The following TTC33 variants were observed in gnomAD, a reference collection of about 807,000 sequenced individuals.
The protein encoded by TTC33 is tetratricopeptide repeat domain 33.
Under a neutral mutation model 29.4 loss-of-function variants are expected in TTC33, and 24 were observed. The ratio of observed to expected loss-of-function variants is 0.82; its 90% CI spans 0.59 to 1.15. The LOEUF (loss-of-function observed/expected upper bound fraction) is 1.15, where lower values mean the gene tolerates loss of function less well. Among genes scored for constraint, TTC33 ranks in the 50% most tolerant of loss-of-function variants. The probability of loss-of-function intolerance (pLI) is 0.00; values close to 1 mark genes in which losing one functional copy is unlikely to be tolerated. For missense variants in TTC33, 286 were observed against 310.4 expected, an observed-to-expected ratio of 0.92 and a Z score of 0.59; for synonymous variants, 107 against 100.3, an observed-to-expected ratio of 1.07 and a Z score of -0.40.
In TTC33 at chr5:40,725,611, G is replaced by A. The variant is rs147140890; in HGVS notation, c.435+2734C>T. Among the ~76,000 whole-genome samples, 66 of 152,182 alleles carry A rather than the reference G, an allele frequency of 4.3e-4. No homozygotes were observed. The East Asian group carries it at 0.012, about 28-fold the overall frequency. On this transcript the variant is annotated intron_variant, in intron 4 of 4. Transcript: ENST00000337702. Reference sequence around the variant, plus strand: ...TCCAGCACTGAAGGCTGAGAACCCTGGAAAGCCAACAGAAGAATCCTTCCT... The same window carrying A: ...TCCAGCACTGAAGGCTGAGAACCCTAGAAAGCCAACAGAAGAATCCTTCCT...
intron 4 of TTC33, among the ~76,000 whole-genome samples, chr5:40,723,313 C>T (rs1310448981): frequency 1.3e-5 from 2 of 152,080 alleles, no homozygotes; most frequent in African/African-American, 4.8e-5. Flanking sequence ...CCGCAGGGTC[C>T]TCTGCCTAGG....
chr5:40,754,985 T>C (rs1453994632), intron 1 of TTC33, among the ~76,000 whole-genome samples: 2 of 152,180 alleles, frequency 1.3e-5, no homozygotes. Flanking sequence ...TTAACATTTT[T>C]TTACCAGAGT....
At chr5:40,740,909 G>GT (rs1487880803) in intron 2 of TTC33, among the ~76,000 whole-genome samples, 2 of 152,048 alleles carry the variant, frequency 1.3e-5, no homozygotes, top group Admixed American at 1.3e-4. Context: ...TTCAGATATC[G>GT]TATTTTTCAT....
At chr5:40,728,315 T>A in intron 4 of TTC33, 30 bp downstream of exon 4, 6 of 1,015,596 alleles carry the variant, frequency 5.9e-6, no homozygotes, top group Non-Finnish European at 8.0e-6. Flanking sequence ...TACTTAAAAT[T>A]TCTGCATTAT....
intron 1 of TTC33, among the ~76,000 whole-genome samples, chr5:40,748,206 T>C (rs1255243693): frequency 1.3e-5 from 2 of 152,056 alleles, no homozygotes; most frequent in East Asian, 3.9e-4. Flanking sequence ...CTGTTTTGTT[T>C]TGTTTTTTTG....
chr5:40,716,133 A>C lies in TTC33; in HGVS notation c.*12T>G, dbSNP rs762086189. The C allele has an allele frequency of 6.3e-7, 1 of 1,578,098 alleles. No homozygotes were observed. Among genetic ancestry groups the C allele is most frequent in the South Asian group, 1.2e-5 (1 of 85,098 alleles). On this transcript the variant is annotated 3_prime_UTR_variant, in exon 5 of 5. Coordinates refer to ENST00000337702, the MANE Select transcript of TTC33 (RefSeq NM_012382.3). ...CAAAAAGACAGATTCAAATAATCCT[A>C]TGCATACTGCTTCATCGGGCTTTGA...
chr5:40,747,062 CT>C (rs759166294), intron 1 of TTC33, 43 bp from the exon 2 acceptor site: 161,970 of 1,063,830 alleles, frequency 0.15, no homozygotes, highest in South Asian at 0.2. Context: ...CTAACTTGAT[CT>C]TTTTTTTTTT....
rs531445668 is a variant in TTC33, at chr5:40,749,691, C to A, written c.-1-2672G>T. On this transcript the variant is annotated intron_variant, in intron 1 of 4. Coordinates refer to ENST00000337702, the MANE Select transcript of TTC33 (RefSeq NM_012382.3). Reference sequence around the variant, plus strand: ...GACCACTGCAATAAAGTGAATAATACTAAAAAGTGGGTCACACAAATGCTT... The same window carrying A: ...GACCACTGCAATAAAGTGAATAATAATAAAAAGTGGGTCACACAAATGCTT... Among the ~76,000 whole-genome samples, 3 of 152,174 alleles carry A rather than the reference C, an allele frequency of 2.0e-5. No homozygotes were observed. In the South Asian group the frequency reaches 6.2e-4, roughly 32 times the overall value.
intron 4 of TTC33, 56 bp from the exon 5 acceptor site, chr5:40,716,554 ACAATCC>A: frequency 8.5e-7 from 1 of 1,170,350 alleles, no homozygotes; most frequent in Non-Finnish European, 1.2e-6. Context: ...TATGTTTAAT[ACAATCC>A]TGTGTGTTTA....
At chr5:40,746,720 T>C (rs1383998539) in intron 2 of TTC33, 78 bp downstream of exon 2, 1 of 1,049,546 alleles carries the variant, frequency 9.5e-7, no homozygotes, top group Non-Finnish European at 1.4e-6. Context: ...ATCAAATTCA[T>C]AACTCTTCAT....
chr5:40,745,732 T>C (rs1043548834), intron 2 of TTC33, among the ~76,000 whole-genome samples: 16 of 150,224 alleles, frequency 1.1e-4, no homozygotes, highest in African/African-American at 3.9e-4. Flanking sequence ...AGATATACGA[T>C]TTATTTATTT....
At chr5:40,742,078 T>C (rs1230022115) in intron 2 of TTC33, among the ~76,000 whole-genome samples, 3 of 152,196 alleles carry the variant, frequency 2.0e-5, no homozygotes, top group Non-Finnish European at 4.4e-5. Context: ...CTATGCTGAC[T>C]ACTGTCCAAT....
At chr5:40,749,164 G>C (rs1294032610) in intron 1 of TTC33, among the ~76,000 whole-genome samples, 1 of 152,054 alleles carries the variant, frequency 6.6e-6, no homozygotes, top group Non-Finnish European at 1.5e-5. Context: ...ACAAATGTAA[G>C]AAATAAAGAG....
intron 2 of TTC33, among the ~76,000 whole-genome samples, chr5:40,739,429 C>A (rs886811604): frequency 6.6e-6 from 1 of 152,154 alleles, no homozygotes; most frequent in Admixed American, 6.5e-5. Context: ...AATCTCATGT[C>A]AAATTGTAAT....
intron 2 of TTC33, among the ~76,000 whole-genome samples, chr5:40,732,062 G>A (rs752312878): frequency 8.5e-5 from 13 of 152,216 alleles, no homozygotes; most frequent in South Asian, 2.1e-4. Context: ...GTCTTGCTCC[G>A]TTGCACTGGC....
chr5:40,722,753 C>A (rs1357631738), intron 4 of TTC33, among the ~76,000 whole-genome samples: 3 of 151,730 alleles, frequency 2.0e-5, no homozygotes, highest in Non-Finnish European at 4.4e-5. Flanking sequence ...CCTGCCCGGC[C>A]AGACGCCCCG....
intron 4 of TTC33, 73 bp downstream of exon 4, chr5:40,728,272 A>C (rs1029282313): frequency 4.0e-5 from 40 of 999,440 alleles, no homozygotes; most frequent in African/African-American, 1.5e-4. Context: ...TGACATCAAG[A>C]CTCCATCTCA....
At chr5:40,739,278 T>C (rs1021773631) in intron 2 of TTC33, among the ~76,000 whole-genome samples, 2 of 152,258 alleles carry the variant, frequency 1.3e-5, no homozygotes, top group South Asian at 4.1e-4. Flanking sequence ...GCTTGTCAAT[T>C]ATCTCAAACG....
Position 40,739,581 on chromosome 5 carries a change from C to T in TTC33, c.221+7217G>A, listed in dbSNP as rs999553119. 3.9e-5 allele frequency among the ~76,000 whole-genome samples: 6 copies of T among 152,286 alleles called. No individual in the cohort carries two copies. The South Asian group carries it at 1.2e-3, about 32-fold the overall frequency. ...GTAGCACTCCCACTCCCCACACTCT[C>T]TCTTCCTCCTGCTCCAGCCATGTGA... On this transcript the variant is annotated intron_variant, in intron 2 of 4. Coordinates refer to ENST00000337702, the MANE Select transcript of TTC33 (RefSeq NM_012382.3).
Sources: gnomAD v4.1 joint callset for allele counts (sites outside exome capture counted in the v4.1 genomes callset) on GRCh38, gnomAD v4.1.1 for gene constraint, MANE v1.5 for transcripts, NCBI Gene and HGNC (gene_info 2026-07-23, HGNC 2026-07-21) for gene names.